Variants in SPMIP2 observed in about 807,000 individuals in gnomAD.
SPMIP2 encodes the protein protein SPMIP2.
chr4:158,927,875 C>T, the SPMIP2 span, among the ~76,000 whole-genome samples: 1 of 152,196 alleles, frequency 6.6e-6, no homozygotes, highest in Non-Finnish European at 1.5e-5. Flanking sequence ...GTACTGGGTC[C>T]CCCAGCAGTC....
the SPMIP2 span, among the ~76,000 whole-genome samples, chr4:158,986,368 T>C: frequency 3.3e-5 from 5 of 152,158 alleles, no homozygotes; most frequent in Non-Finnish European, 7.3e-5. Flanking sequence ...GGCATCACGC[T>C]ACCTGACTTC....
chr4:158,953,536 G>A, the SPMIP2 span, among the ~76,000 whole-genome samples: 4 of 152,340 alleles, frequency 2.6e-5, no homozygotes, highest in South Asian at 8.3e-4. Flanking sequence ...TGGGGCCAGA[G>A]CCCCCACAGA....
chr4:159,032,359 T>A, the SPMIP2 span, among the ~76,000 whole-genome samples: 1 of 152,112 alleles, frequency 6.6e-6, no homozygotes, highest in South Asian at 2.1e-4. Context: ...ATATACCACA[T>A]GAAAATAAGA....
chr4:158,988,745 G>A, the SPMIP2 span, among the ~76,000 whole-genome samples: 149,747 of 152,272 alleles, frequency 0.98, 73,676 homozygotes, highest in East Asian at 1. Context: ...ATCTCAAAAT[G>A]AGAGCTATTT....
the SPMIP2 span, among the ~76,000 whole-genome samples, chr4:158,924,362 T>G: frequency 6.6e-6 from 1 of 152,184 alleles, no homozygotes; most frequent in East Asian, 1.9e-4. Flanking sequence ...ATTGCGAGGA[T>G]CATATGGATG....
the SPMIP2 span, among the ~76,000 whole-genome samples, chr4:158,935,442 C>A: frequency 1.1e-4 from 16 of 152,260 alleles, no homozygotes; most frequent in East Asian, 3.1e-3. Context: ...TGACTCCTTC[C>A]CTCAGTAAAT....
At chr4:158,896,669 C>T in the SPMIP2 span, among the ~76,000 whole-genome samples, 1 of 152,100 alleles carries the variant, frequency 6.6e-6, no homozygotes, top group South Asian at 2.1e-4. Context: ...TGTTGTTCGG[C>T]TCTTGGCATT....
chr4:158,979,395 G>C, the SPMIP2 span, among the ~76,000 whole-genome samples: 1 of 152,112 alleles, frequency 6.6e-6, no homozygotes, highest in African/African-American at 2.4e-5. Context: ...GCACCACTGG[G>C]GTACGAAAAA....
At chr4:159,060,723 A>G in the SPMIP2 span, among the ~76,000 whole-genome samples, 2 of 152,286 alleles carry the variant, frequency 1.3e-5, no homozygotes, top group South Asian at 4.1e-4. Flanking sequence ...CATAAACCCT[A>G]TTTGTGAAAT....
At chr4:158,945,812 A>C in the SPMIP2 span, among the ~76,000 whole-genome samples, 1 of 152,248 alleles carries the variant, frequency 6.6e-6, no homozygotes, top group Non-Finnish European at 1.5e-5. Flanking sequence ...GAAGATGGAC[A>C]TAAGACTCAT....
At chr4:159,070,840 G>A in the SPMIP2 span, among the ~76,000 whole-genome samples, 9 of 152,112 alleles carry the variant, frequency 5.9e-5, no homozygotes, top group Admixed American at 1.3e-4. Context: ...TGTTTATGTG[G>A]CACTTATTTG....
chr4:158,928,469 C>T, the SPMIP2 span, among the ~76,000 whole-genome samples: 1 of 151,988 alleles, frequency 6.6e-6, no homozygotes, highest in East Asian at 1.9e-4. Context: ...CCTTGGAGAA[C>T]CTTTGTGTCC....
At chr4:159,068,633 A>G in the SPMIP2 span, among the ~76,000 whole-genome samples, 1 of 152,088 alleles carries the variant, frequency 6.6e-6, no homozygotes, top group Non-Finnish European at 1.5e-5. Flanking sequence ...CACGTTGTGC[A>G]CATGTACTCT....
the SPMIP2 span, among the ~76,000 whole-genome samples, chr4:158,914,697 A>T: frequency 6.6e-6 from 1 of 152,198 alleles, no homozygotes; most frequent in African/African-American, 2.4e-5. Context: ...CAAAACAGAT[A>T]CCAAAATCCC....
chr4:159,017,659 G>A, the SPMIP2 span, among the ~76,000 whole-genome samples: 1 of 152,146 alleles, frequency 6.6e-6, no homozygotes. Context: ...CAAAAAGAGA[G>A]TTCCAGAAGT....
chr4:159,079,638 T>G, the SPMIP2 span, among the ~76,000 whole-genome samples: 17 of 152,222 alleles, frequency 1.1e-4, no homozygotes, highest in Non-Finnish European at 2.2e-4. Flanking sequence ...AAGCCAGAGA[T>G]CAACCATATA....
At chr4:159,057,502 A>G in the SPMIP2 span, among the ~76,000 whole-genome samples, 3 of 152,352 alleles carry the variant, frequency 2.0e-5, no homozygotes, top group African/African-American at 7.2e-5. Flanking sequence ...TAGAGCACTC[A>G]TGCATGGCTG....
At chr4:159,008,858 A>T in the SPMIP2 span, among the ~76,000 whole-genome samples, 2 of 152,020 alleles carry the variant, frequency 1.3e-5, no homozygotes, top group Non-Finnish European at 2.9e-5. Flanking sequence ...ATAATTGAAA[A>T]AATATTGCTG....
the SPMIP2 span, among the ~76,000 whole-genome samples, chr4:158,968,000 T>C: frequency 6.6e-6 from 1 of 152,204 alleles, no homozygotes; most frequent in African/African-American, 2.4e-5. Flanking sequence ...AGCGATTTCT[T>C]ATGTCAAATA....
Sources: gnomAD v4.1 joint callset for allele counts (sites outside exome capture counted in the v4.1 genomes callset) on GRCh38, gnomAD v4.1.1 for gene constraint, MANE v1.5 for transcripts, NCBI Gene and HGNC (gene_info 2026-07-23, HGNC 2026-07-21) for gene names.